The following CADPS variants were observed in gnomAD, a reference collection of about 807,000 sequenced individuals.
The protein encoded by CADPS is calcium-dependent secretion activator 1.
A neutral mutation model predicts 167.3 loss-of-function variants in CADPS; 57 were observed. The observed-to-expected ratio is 0.34, with a 90% CI of 0.28 to 0.42. CADPS has a LOEUF of 0.42. Among genes scored for constraint, CADPS ranks in the 20% least tolerant of loss-of-function variants. The probability of loss-of-function intolerance (pLI) is 1.00; values close to 1 mark genes in which losing one functional copy is unlikely to be tolerated. For synonymous variants in CADPS, 676 were observed against 635.3 expected, an observed-to-expected ratio of 1.06 and a Z score of -0.96; for missense variants, 1,414 against 1,738.1, an observed-to-expected ratio of 0.81 and a Z score of 3.32.
chr3:62,715,193 T>G (rs1639164005), intron 3 of CADPS, among the ~76,000 whole-genome samples: 1 of 152,148 alleles, frequency 6.6e-6, no homozygotes, highest in Non-Finnish European at 1.5e-5. Context: ...CCATGACTTG[T>G]TAGGTGATAA....
intron 1 of CADPS, among the ~76,000 whole-genome samples, chr3:62,784,006 T>C (rs1198741468): frequency 1.3e-5 from 2 of 152,222 alleles, no homozygotes; most frequent in African/African-American, 4.8e-5. Context: ...TACCATTTCC[T>C]ATGAAACTTA....
intron 3 of CADPS, among the ~76,000 whole-genome samples, chr3:62,746,039 C>T (rs971331560): frequency 6.6e-5 from 10 of 152,158 alleles, no homozygotes; most frequent in African/African-American, 2.4e-4. Flanking sequence ...TAAGGGAGAA[C>T]TTCTCTACAA....
chr3:62,522,123 A>G (rs1321363213), intron 13 of CADPS, among the ~76,000 whole-genome samples: 1 of 151,572 alleles, frequency 6.6e-6, no homozygotes, highest in Admixed American at 6.6e-5. Context: ...CTATCTATCT[A>G]TCTATCTATC....
chr3:62,870,518 T>C (rs963896989), intron 1 of CADPS, among the ~76,000 whole-genome samples: 8 of 152,154 alleles, frequency 5.3e-5, no homozygotes, highest in African/African-American at 1.7e-4. Flanking sequence ...GACTCAACAT[T>C]AGCCATCATT....
chr3:62,618,905 C>G (rs928846785), intron 6 of CADPS, among the ~76,000 whole-genome samples: 1 of 152,198 alleles, frequency 6.6e-6, no homozygotes, highest in Non-Finnish European at 1.5e-5. Flanking sequence ...GATCCCTGCT[C>G]TCACAGAGCT....
In CADPS at chr3:62,589,002, GGT is replaced by G. The variant is rs2085314922; in HGVS notation, c.1437+3633_1437+3634del. ...ATCTTTCTCTGGGAAGGGATACGAGGGTGAGATAGAAGAGAAAAATTAATTTT... is the reference window on the plus strand; with the variant it reads ...ATCTTTCTCTGGGAAGGGATACGAGGGAGATAGAAGAGAAAAATTAATTTT... On this transcript the variant is annotated intron_variant, in intron 7 of 29. Transcript: ENST00000383710. Among the ~76,000 whole-genome samples, 5 of 152,060 alleles carry G rather than the reference GGT, an allele frequency of 3.3e-5. No homozygotes were observed. The South Asian group carries it at 1.0e-3, about 32-fold the overall frequency.
intron 1 of CADPS, among the ~76,000 whole-genome samples, chr3:62,797,832 A>C (rs2093529878): frequency 1.3e-5 from 2 of 152,182 alleles, no homozygotes; most frequent in African/African-American, 2.4e-5. Context: ...AAAAAGAAAA[A>C]AAGAAAAATA....
intron 5 of CADPS, among the ~76,000 whole-genome samples, chr3:62,650,253 C>A (rs575629332): frequency 6.6e-6 from 1 of 152,130 alleles, no homozygotes; most frequent in Non-Finnish European, 1.5e-5. Flanking sequence ...AGTGAACTAC[C>A]TTCCCATGTA....
In CADPS at chr3:62,578,704, C is replaced by T. The variant is rs550765550; in HGVS notation, c.1577+6481G>A. Among the ~76,000 whole-genome samples the T allele has an allele frequency of 6.6e-5, 10 of 150,512 alleles. No homozygotes were observed. The South Asian group carries it at 2.1e-3, about 32-fold the overall frequency. ...ATATATGAAGCAAAACCAGACAGAA[C>T]TACAAGGAGAAACAAATTTAAAATT... On this transcript the variant is annotated intron_variant, in intron 8 of 29. Coordinates refer to ENST00000383710, the MANE Select transcript of CADPS (RefSeq NM_003716.4).
chr3:62,467,063 TCTAA>T (rs954830882), intron 24 of CADPS, among the ~76,000 whole-genome samples: 2 of 152,164 alleles, frequency 1.3e-5, no homozygotes, highest in Non-Finnish European at 2.9e-5. Flanking sequence ...TTTAAATTTC[TCTAA>T]CTGTGCCTGT....
intron 10 of CADPS, among the ~76,000 whole-genome samples, chr3:62,556,037 C>G (rs1444831778): frequency 6.6e-6 from 1 of 152,170 alleles, no homozygotes; most frequent in East Asian, 1.9e-4. Flanking sequence ...ACTCCTCACC[C>G]TAGCCTTCTA....
chr3:62,473,276 G>C (rs536087639), intron 24 of CADPS, among the ~76,000 whole-genome samples: 1 of 152,192 alleles, frequency 6.6e-6, no homozygotes, highest in Non-Finnish European at 1.5e-5. Flanking sequence ...CAAGGTTGAA[G>C]ATGATCTTGC....
chr3:62,641,955 G>A (rs2067508457), intron 6 of CADPS, among the ~76,000 whole-genome samples: 1 of 152,084 alleles, frequency 6.6e-6, no homozygotes, highest in African/African-American at 2.4e-5. Context: ...CCAATATGAC[G>A]ATGCTGAGCA....
intron 3 of CADPS, among the ~76,000 whole-genome samples, chr3:62,666,949 T>C (rs1170785079): frequency 6.6e-6 from 1 of 152,294 alleles, no homozygotes; most frequent in East Asian, 1.9e-4. Flanking sequence ...GTGGACATCA[T>C]TTTATCTTGC....
intron 6 of CADPS, chr3:62,625,185 T>G (rs2600848): frequency 6.7e-6 from 1 of 149,566 alleles, no homozygotes; most frequent in South Asian, 2.1e-4. Flanking sequence ...AAGTTAATAA[T>G]TTTTTTTAAA....
rs551618013 is a variant in CADPS at position 62,398,590 on chromosome 3, C to A, written c.*816G>T. On this transcript the variant is annotated 3_prime_UTR_variant, in exon 30 of 30. Coordinates refer to ENST00000383710, the MANE Select transcript of CADPS (RefSeq NM_003716.4). ...TACAATCTACTGAAGGAAATATCCA[C>A]ATCTTATTATAAACACATTTTTAGT... is the stretch of plus-strand genomic sequence containing the variant. 1 of 152,742 alleles carries A rather than the reference C, an allele frequency of 6.5e-6. No homozygotes were observed. 9.5% of individuals were successfully genotyped at this position (152,742 alleles called of 1,614,324 possible). A position where few individuals can be genotyped will look rare whatever the true frequency, so the allele number is the denominator to read the frequency against.
intron 3 of CADPS, among the ~76,000 whole-genome samples, chr3:62,712,405 T>C (rs2083574960): frequency 6.6e-6 from 1 of 152,204 alleles, no homozygotes; most frequent in South Asian, 2.1e-4. Context: ...AGGCGAAAAA[T>C]CTGATACTGC....
chr3:62,444,024 A>G (rs1036449950), intron 27 of CADPS, among the ~76,000 whole-genome samples: 1 of 152,102 alleles, frequency 6.6e-6, no homozygotes, highest in South Asian at 2.1e-4. Flanking sequence ...GACCTCACCA[A>G]TATGCCAATT....
intron 3 of CADPS, among the ~76,000 whole-genome samples, chr3:62,678,017 A>G (rs1471965147): frequency 1.3e-5 from 2 of 152,078 alleles, no homozygotes; most frequent in Non-Finnish European, 2.9e-5. Context: ...TGTTGTATGC[A>G]TATTTATGTT....
Sources: gnomAD v4.1 joint callset for allele counts (sites outside exome capture counted in the v4.1 genomes callset) on GRCh38, gnomAD v4.1.1 for gene constraint, MANE v1.5 for transcripts, NCBI Gene and HGNC (gene_info 2026-07-23, HGNC 2026-07-21) for gene names.